GRIK3: variants seen among roughly 807,000 people sequenced by gnomAD.
The protein encoded by GRIK3 is glutamate ionotropic receptor kainate type subunit 3.
In GRIK3, 29 loss-of-function variants were observed where a neutral mutation model predicts 102.5. The observed-to-expected ratio is 0.28, with a 90% confidence interval of 0.21 to 0.39. The LOEUF is 0.39. GRIK3 is among the 10% of genes least tolerant of loss of function. The pLI is 1.00. For missense variants in GRIK3, 908 were observed against 1,252.4 expected (o/e 0.73, Z 4.15); for synonymous variants, 511 against 504.9 (o/e 1.01, Z -0.16).
At chr1:36,951,308 G>A (rs190189200) in intron 1 of GRIK3, among the ~76,000 whole-genome samples, 38 of 152,348 alleles carry the variant, frequency 2.5e-4, no homozygotes, top group African/African-American at 8.9e-4. Context: ...GAGTGATCAC[G>A]ATCAAGGACA....
chr1:36,829,670 T>G (rs1257563613), intron 10 of GRIK3, among the ~76,000 whole-genome samples: 1 of 152,148 alleles, frequency 6.6e-6, no homozygotes, highest in South Asian at 2.1e-4. Flanking sequence ...ACCAAGAATC[T>G]GTTGGGACCC....
chr1:37,012,010 C>T (rs1642601462), intron 1 of GRIK3, among the ~76,000 whole-genome samples: 1 of 152,106 alleles, frequency 6.6e-6, no homozygotes, highest in Non-Finnish European at 1.5e-5. Flanking sequence ...TGTCTATGGC[C>T]CCAGAGATCT....
At chr1:36,899,525 G>A (rs1641210253) in intron 1 of GRIK3, among the ~76,000 whole-genome samples, 1 of 151,870 alleles carries the variant, frequency 6.6e-6, no homozygotes, top group Non-Finnish European at 1.5e-5. Context: ...GAGGAAGGGG[G>A]GAAAGTGAAG....
intron 1 of GRIK3, among the ~76,000 whole-genome samples, chr1:37,000,533 G>T (rs1226167312): frequency 6.6e-6 from 1 of 152,128 alleles, no homozygotes; most frequent in Non-Finnish European, 1.5e-5. Context: ...CTTGCCCAAG[G>T]TCACACAGCC....
chr1:36,996,478 G>A (rs1186594803), intron 1 of GRIK3, among the ~76,000 whole-genome samples: 5 of 152,152 alleles, frequency 3.3e-5, no homozygotes, highest in South Asian at 2.1e-4. Context: ...TGCCAAAACC[G>A]GGACAAGCCA....
chr1:36,887,168 A>AC (rs765437422), intron 2 of GRIK3, among the ~76,000 whole-genome samples: 1 of 152,188 alleles, frequency 6.6e-6, no homozygotes, highest in South Asian at 2.1e-4. Context: ...CCTGCCTCCC[A>AC]CCATACACAG....
rs868641037 is a variant in GRIK3 at position 36,977,039 on chromosome 1, G to A, written c.115+56955C>T. Among the ~76,000 whole-genome samples the A allele has an allele frequency of 2.6e-5, 4 of 152,280 alleles. No individual in the cohort carries two copies. The South Asian group carries it at 8.3e-4, about 32-fold the overall frequency. On this transcript the variant is annotated intron_variant, in intron 1 of 15. Transcript: ENST00000373091. ...GTCCTGCTTGGTCACTCCCTCCAGA[G>A]GCTGGCTGTCAGTCCCCTCCCCTCC...
intron 1 of GRIK3, among the ~76,000 whole-genome samples, chr1:36,908,112 G>A (rs1044589949): frequency 6.6e-6 from 1 of 152,188 alleles, no homozygotes; most frequent in Non-Finnish European, 1.5e-5. Context: ...GATCTTGGCA[G>A]AGGCACATCT....
At position 36,901,601 on chromosome 1, in the gene GRIK3, C is replaced by T. The variant is rs142425026; in HGVS notation, c.116-10505G>A. ...TCTTCTCAAGCACATCTACAAAAAC[C>T]CACAGTTGACATCATACATAATAGT... On this transcript the variant is annotated intron_variant, in intron 1 of 15. Transcript: ENST00000373091. 4.6e-4 allele frequency among the ~76,000 whole-genome samples: 70 copies of T among 152,224 alleles called. No homozygotes were observed. The East Asian group carries it at 5.8e-3, about 13-fold the overall frequency.
chr1:36,888,770 TC>T lies in GRIK3; in HGVS notation c.292+2149del, dbSNP rs1282122050. ...TCCCACTCCTCACTCTTTCCCACCATCCTTCAAAACTCAACTCAAACCTCTC... is the reference window on the plus strand; with the variant it reads ...TCCCACTCCTCACTCTTTCCCACCATCTTCAAAACTCAACTCAAACCTCTC... On this transcript the variant is annotated intron_variant, in intron 2 of 15. Coordinates refer to ENST00000373091, the MANE Select transcript of GRIK3 (RefSeq NM_000831.4). 7.2e-5 allele frequency among the ~76,000 whole-genome samples: 11 copies of T among 152,202 alleles called. No homozygotes were observed. In the East Asian group the frequency reaches 2.1e-3, roughly 30 times the overall value.
chr1:37,017,572 A>G (rs887266019), intron 1 of GRIK3, among the ~76,000 whole-genome samples: 2 of 152,012 alleles, frequency 1.3e-5, no homozygotes, highest in East Asian at 3.9e-4. Flanking sequence ...TTTTTATGGC[A>G]TCTCTTGCCG....
intron 1 of GRIK3, among the ~76,000 whole-genome samples, chr1:36,959,334 G>C (rs521306): frequency 8.4e-6 from 1 of 119,034 alleles, no homozygotes; most frequent in Non-Finnish European, 1.9e-5. Context: ...CTGTGTGCCC[G>C]GTGAGCCTGT....
At chr1:36,941,479 A>G (rs1641718740) in intron 1 of GRIK3, among the ~76,000 whole-genome samples, 2 of 152,288 alleles carry the variant, frequency 1.3e-5, no homozygotes, top group East Asian at 3.9e-4. Flanking sequence ...GCTTCACGGG[A>G]CAGGAGAGTG....
chr1:36,998,258 G>A (rs1642440422), intron 1 of GRIK3, among the ~76,000 whole-genome samples: 1 of 152,228 alleles, frequency 6.6e-6, no homozygotes, highest in Admixed American at 6.5e-5. Flanking sequence ...AAGAGGCCTA[G>A]CACCCCAACA....
At chr1:36,887,767 A>ATATAT (rs1466580543) in intron 2 of GRIK3, among the ~76,000 whole-genome samples, 54 of 106,418 alleles carry the variant, frequency 5.1e-4, no homozygotes, top group African/African-American at 2.1e-3. Context: ...AAAAAAAAAA[A>ATATAT]AAAAATATAT....
At chr1:36,996,191 C>T (rs538887556) in intron 1 of GRIK3, among the ~76,000 whole-genome samples, 2 of 152,384 alleles carry the variant, frequency 1.3e-5, no homozygotes, top group African/African-American at 4.8e-5. Context: ...AGGCTCCTGA[C>T]AACAAGTGGG....
At chr1:36,976,919 T>G (rs912594379) in intron 1 of GRIK3, among the ~76,000 whole-genome samples, 1 of 151,784 alleles carries the variant, frequency 6.6e-6, no homozygotes, top group African/African-American at 2.4e-5. Context: ...CAGATGAGAG[T>G]CCCTCATTTC....
At chr1:36,883,437 T>G (rs1380913301) in intron 2 of GRIK3, among the ~76,000 whole-genome samples, 1 of 152,132 alleles carries the variant, frequency 6.6e-6, no homozygotes, top group East Asian at 1.9e-4. Context: ...GTCCAAACAC[T>G]GTCTACACCC....
intron 1 of GRIK3, among the ~76,000 whole-genome samples, chr1:36,921,467 T>C (rs901126648): frequency 1.3e-5 from 2 of 152,222 alleles, no homozygotes; most frequent in African/African-American, 4.8e-5. Context: ...GCTTAACCTC[T>C]GAACGATATC....
Sources: allele counts gnomAD v4.1 joint callset (sites outside exome capture counted in the v4.1 genomes callset), GRCh38; gene constraint gnomAD v4.1.1; transcripts MANE v1.5; gene names NCBI Gene and HGNC (gene_info 2026-07-23, HGNC 2026-07-21).